Variants in ENOX2 observed in about 807,000 individuals in gnomAD.
ENOX2 encodes ecto-NOX disulfide-thiol exchanger 2.
Under a neutral mutation model 45.0 loss-of-function variants are expected in ENOX2, and 36 were observed. The ratio of observed to expected loss-of-function variants is 0.80; its 90% CI spans 0.61 to 1.06. ENOX2 has a LOEUF of 1.06. Ranked by LOEUF, ENOX2 falls within the 50% of genes least tolerant of loss-of-function variation. The pLI, the probability that ENOX2 is intolerant of heterozygous loss-of-function variation, is 0.00. For synonymous variants in ENOX2, 174 were observed against 152.3 expected (o/e 1.14, Z -1.05); for missense variants, 423 against 462.5 (o/e 0.91, Z 0.78).
At position 130,623,538 on chromosome X, in the gene ENOX2, TTA is replaced by T. The variant is rs2035472046; in HGVS notation, c.*1774_*1775del. The T allele has an allele frequency of 1.8e-5, 2 of 111,645 alleles. No homozygotes were observed. Among genetic ancestry groups the T allele is most frequent in the African/African-American group, 6.5e-5 (2 of 30,605 alleles). The allele number at this position is 111,645 out of a possible 1,213,427, so 9.2% of individuals were successfully genotyped here. A position where few individuals can be genotyped will look rare whatever the true frequency, so the allele number is the denominator to read the frequency against. On this transcript the variant is annotated 3_prime_UTR_variant, in exon 15 of 15. Coordinates refer to ENST00000394363, the MANE Select transcript of ENOX2 (RefSeq NM_006375.4). The stretch of plus-strand genomic sequence containing the variant: ...CTACTGCTCTCCCCTAAAAATTAAT[TTA>T]GTTTATTTAAACAAGAAATAACTGT...
At chrX:130,880,521 C>T (rs1270229141) in intron 2 of ENOX2, among the ~76,000 whole-genome samples, 5 of 111,900 alleles carry the variant, frequency 4.5e-5, no homozygotes, top group East Asian at 2.8e-4. Flanking sequence ...AGTATTAATG[C>T]TATTTTAAAT....
At chrX:130,897,270 G>A (rs2079072727) in intron 2 of ENOX2, among the ~76,000 whole-genome samples, 1 of 111,824 alleles carries the variant, frequency 8.9e-6, no homozygotes, top group Non-Finnish European at 1.9e-5. Context: ...AAAGATTTCC[G>A]TACATGAGCA....
intron 11 of ENOX2, 39 bp from the exon 12 acceptor site, chrX:130,635,130 CG>C (rs2035899806): frequency 2.6e-6 from 2 of 775,504 alleles, no homozygotes; most frequent in Admixed American, 5.9e-5. Flanking sequence ...TTATGAATTA[CG>C]GAGCCACACT....
intron 2 of ENOX2, among the ~76,000 whole-genome samples, chrX:130,824,386 C>T (rs1483669990): frequency 2.7e-5 from 3 of 111,601 alleles, no homozygotes; most frequent in Admixed American, 1.9e-4. Context: ...TAGCAACTCT[C>T]GTACATTTGC....
chrX:130,858,091 TA>T (rs774320757), intron 2 of ENOX2, among the ~76,000 whole-genome samples: 342 of 108,898 alleles, frequency 3.1e-3, no homozygotes, highest in African/African-American at 0.01. Flanking sequence ...AGATGACAGG[TA>T]TACCTAATCA....
intron 3 of ENOX2, among the ~76,000 whole-genome samples, chrX:130,777,539 T>C (rs2039884996): frequency 9.2e-6 from 1 of 109,209 alleles, no homozygotes; most frequent in Non-Finnish European, 1.9e-5. Flanking sequence ...TGTCTCCAAC[T>C]CTAAAACACT....
At chrX:130,850,549 T>TA (rs1569316580) in intron 2 of ENOX2, among the ~76,000 whole-genome samples, 1 of 111,955 alleles carries the variant, frequency 8.9e-6, no homozygotes, top group Non-Finnish European at 1.9e-5. Context: ...CAAATGGTGA[T>TA]ATTAGAATAA....
At chrX:130,705,280 A>G (rs910368648) in intron 3 of ENOX2, among the ~76,000 whole-genome samples, 9 of 111,983 alleles carry the variant, frequency 8.0e-5, no homozygotes, top group African/African-American at 2.9e-4. Flanking sequence ...ACAAACAAAC[A>G]AACAGGAACA....
intron 2 of ENOX2, among the ~76,000 whole-genome samples, chrX:130,844,289 C>A (rs1451838847): frequency 8.9e-6 from 1 of 112,010 alleles, no homozygotes; most frequent in Non-Finnish European, 1.9e-5. Flanking sequence ...TCCCTACTCC[C>A]CCCTTGCCTG....
Position 130,870,151 on chromosome X carries a change from G to A in ENOX2, c.-183+31533C>T, listed in dbSNP as rs191710991. Among the ~76,000 whole-genome samples, 14 of 110,843 alleles carry A rather than the reference G, an allele frequency of 1.3e-4. No individual in the cohort carries two copies. The East Asian group carries it at 4.0e-3, about 32-fold the overall frequency. On this transcript the variant is annotated intron_variant, in intron 2 of 14. Transcript: ENST00000394363. ...TGGAAGTGATGGGGTCTTATCTGGG[G>A]TCTTAAAATCTATGAGGCTTAAACC...
chrX:130,837,274 T>C (rs1230513345), intron 2 of ENOX2, among the ~76,000 whole-genome samples: 1 of 111,757 alleles, frequency 8.9e-6, no homozygotes, highest in Non-Finnish European at 1.9e-5. Flanking sequence ...GGTGGCCCAG[T>C]GCATTAACTT....
chrX:130,735,010 T>C (rs2038825755), intron 3 of ENOX2, among the ~76,000 whole-genome samples: 1 of 112,250 alleles, frequency 8.9e-6, no homozygotes, highest in Admixed American at 9.4e-5. Context: ...ATCCTACTTA[T>C]GTGAATGCCT....
At chrX:130,780,262 T>C (rs976402915) in intron 3 of ENOX2, among the ~76,000 whole-genome samples, 6 of 111,988 alleles carry the variant, frequency 5.4e-5, no homozygotes, top group African/African-American at 1.9e-4. Context: ...TCTTACCTAT[T>C]TATTTCCACA....
At chrX:130,647,251 C>T (rs775814389) in intron 10 of ENOX2, among the ~76,000 whole-genome samples, 2 of 112,519 alleles carry the variant, frequency 1.8e-5, no homozygotes, top group South Asian at 7.4e-4. Context: ...CAATAGAAAC[C>T]CAATGTTGAG....
chrX:130,884,355 A>T (rs749627313), intron 2 of ENOX2, among the ~76,000 whole-genome samples: 2 of 112,338 alleles, frequency 1.8e-5, no homozygotes, highest in South Asian at 7.4e-4. Flanking sequence ...ACAGATTATA[A>T]CAATACTTGC....
intron 10 of ENOX2, among the ~76,000 whole-genome samples, chrX:130,650,864 G>T (rs976680144): frequency 2.7e-5 from 3 of 111,398 alleles, no homozygotes; most frequent in Non-Finnish European, 5.6e-5. Flanking sequence ...AAATGATTTT[G>T]TGCCATTAAA....
rs1419660769 is a variant in ENOX2, at chrX:130,883,648, T to A, written c.-183+18036A>T. ...TTGTTAATATTCTTGGTGATCCCCTTAAATAAGCTAGTGCAAGCTGGCTCC... is the reference window on the plus strand; with the variant it reads ...TTGTTAATATTCTTGGTGATCCCCTAAAATAAGCTAGTGCAAGCTGGCTCC... On this transcript the variant is annotated intron_variant, in intron 2 of 14. Transcript: ENST00000394363. 3.6e-5 allele frequency among the ~76,000 whole-genome samples: 4 copies of A among 111,558 alleles called. No individual in the cohort carries two copies. In the Admixed American group the frequency reaches 3.8e-4, roughly 11 times the overall value.
rs1260881738 is a variant in ENOX2 at position 130,688,845 on chromosome X, A to C, written c.253+18T>G. 1.7e-6 allele frequency: 2 copies of C among 1,165,889 alleles called. No individual in the cohort carries two copies. Among genetic ancestry groups the C allele is most frequent in the Admixed American group, 4.6e-5 (2 of 43,417 alleles). On this transcript the variant is annotated intron_variant, in intron 5 of 14. Transcript: ENST00000394363. The stretch of plus-strand genomic sequence containing the variant: ...CTAAAATATTGTGTCTTGTGTGGAG[A>C]AAAAAGCAGAATATTACTTGGATTT...
chrX:130,776,832 G>A (rs1464857289), intron 3 of ENOX2, among the ~76,000 whole-genome samples: 1 of 111,499 alleles, frequency 9.0e-6, no homozygotes, highest in Non-Finnish European at 1.9e-5. Flanking sequence ...AGATTCTTCT[G>A]TAATTTGCTG....
Sources: allele counts gnomAD v4.1 joint callset (sites outside exome capture counted in the v4.1 genomes callset), GRCh38; gene constraint gnomAD v4.1.1; transcripts MANE v1.5; gene names NCBI Gene and HGNC (gene_info 2026-07-23, HGNC 2026-07-21).